MCC: variants seen among roughly 807,000 people sequenced by gnomAD.
The protein encoded by MCC is MCC regulator of Wnt signaling pathway.
In MCC, 90 loss-of-function variants were observed where a neutral mutation model predicts 116.2. The ratio of observed to expected loss-of-function variants is 0.77; its 90% CI spans 0.65 to 0.92. The LOEUF (loss-of-function observed/expected upper bound fraction) is 0.92. MCC is among the 40% of genes least tolerant of loss of function. The pLI, the probability that MCC is intolerant of heterozygous loss-of-function variation, is 0.00. For synonymous variants in MCC, 578 were observed against 510.5 expected (o/e 1.13, Z -1.78); for missense variants, 1,516 against 1,312.2 (o/e 1.16, Z -2.40).
chr5:113,134,555 C>CTTTTT, intron 5 of MCC, among the ~76,000 whole-genome samples: 39 of 30,116 alleles, frequency 1.3e-3, no homozygotes, highest in African/African-American at 2.4e-3. Context: ...GCTATTTGGG[C>CTTTTT]TTTTTTTTTT....
intron 3 of MCC, among the ~76,000 whole-genome samples, chr5:113,240,328 ATATTAT>A (rs949840739): frequency 5.9e-5 from 9 of 152,144 alleles, no homozygotes; most frequent in African/African-American, 1.9e-4. Flanking sequence ...ATATGAGCTA[ATATTAT>A]TATTATTTAA....
intron 7 of MCC, 72 bp from the exon 8 acceptor site, chr5:113,102,017 G>A (rs28673913): frequency 0.077 from 111,772 of 1,444,306 alleles, 4,818 homozygotes; most frequent in East Asian, 0.097. Flanking sequence ...AAAATAGGCT[G>A]AACAGGAATA....
intron 8 of MCC, among the ~76,000 whole-genome samples, chr5:113,098,236 T>C (rs770224297): frequency 2.0e-5 from 3 of 152,166 alleles, no homozygotes; most frequent in Non-Finnish European, 4.4e-5. Flanking sequence ...ATGGGAACAA[T>C]GTGGAGAAAG....
At chr5:113,202,647 AAAC>A (rs1762733288) in intron 3 of MCC, among the ~76,000 whole-genome samples, 1 of 152,068 alleles carries the variant, frequency 6.6e-6, no homozygotes, top group African/African-American at 2.4e-5. Flanking sequence ...AACTTAAGTC[AAAC>A]AACACATAAT....
At chr5:113,412,926 TTATTTTGA>T in intron 1 of MCC, among the ~76,000 whole-genome samples, 1 of 152,360 alleles carries the variant, frequency 6.6e-6, no homozygotes, top group African/African-American at 2.4e-5. Context: ...ATAGCTCTTA[TTATTTTGA>T]GATACGTCCC....
At chr5:113,077,121 T>C (rs1254583945) in intron 11 of MCC, among the ~76,000 whole-genome samples, 3 of 152,148 alleles carry the variant, frequency 2.0e-5, no homozygotes, top group Non-Finnish European at 4.4e-5. Context: ...CCTAAATATA[T>C]ATGCACCCAA....
intron 17 of MCC, among the ~76,000 whole-genome samples, chr5:113,041,897 T>C (rs1182061000): frequency 6.6e-6 from 1 of 151,992 alleles, no homozygotes; most frequent in Non-Finnish European, 1.5e-5. Context: ...CTTGGGAGGC[T>C]GAGGCAGGAG....
chr5:113,347,146 T>C (rs1173198052), intron 2 of MCC, among the ~76,000 whole-genome samples: 1 of 152,124 alleles, frequency 6.6e-6, no homozygotes, highest in Non-Finnish European at 1.5e-5. Context: ...CATCTGAAGA[T>C]ATAAAACTCA....
At chr5:113,049,387 C>T (rs1242356325) in intron 15 of MCC, 88 bp from the exon 16 acceptor site, 9 of 1,100,598 alleles carry the variant, frequency 8.2e-6, no homozygotes, top group South Asian at 3.2e-5. Flanking sequence ...GGGGGGTCCC[C>T]GGCTATGACC....
Position 113,331,761 on chromosome 5 carries a change from C to T in MCC, c.627+8758G>A, listed in dbSNP as rs529886618. Among the ~76,000 whole-genome samples, 153 of 148,708 alleles carry T rather than the reference C, an allele frequency of 1.0e-3. 7 individuals are homozygous for T. The highest frequency in any genetic ancestry group is 3.7e-3 in the African/African-American group (145 of 38,868). On this transcript the variant is annotated intron_variant, in intron 3 of 18. Transcript: ENST00000408903. Reference sequence around the variant, plus strand: ...AGCGATTCTCCTTGCCTCAGCTTCCCGAGTAGCTTCGAGTACAGGCACCCG... The same window carrying T: ...AGCGATTCTCCTTGCCTCAGCTTCCTGAGTAGCTTCGAGTACAGGCACCCG...
rs376080697 is a variant in MCC at position 113,114,165 on chromosome 5, GTTGA to G, written c.1027+8515_1027+8518del. 2.7e-4 allele frequency among the ~76,000 whole-genome samples: 41 copies of G among 152,264 alleles called. 1 individual carries two copies. The highest frequency in any genetic ancestry group is 8.4e-4 in the African/African-American group (35 of 41,510). On this transcript the variant is annotated intron_variant, in intron 6 of 18. Transcript: ENST00000408903. ...AAATGTGGCGAAATGTTAACAATTG[GTTGA>G]TTAAGATGAGTGGTTTATGGAGGTT...
chr5:113,104,670 G>A (rs897664802), intron 6 of MCC: 9 of 217,926 alleles, frequency 4.1e-5, no homozygotes, highest in Non-Finnish European at 7.2e-5. Context: ...CAGAGCCTCT[G>A]GTCAACCTGT....
At chr5:113,380,613 G>A (rs1262726226) in intron 2 of MCC, among the ~76,000 whole-genome samples, 1 of 152,194 alleles carries the variant, frequency 6.6e-6, no homozygotes, top group Non-Finnish European at 1.5e-5. Flanking sequence ...AACGTCATTA[G>A]TAATCCGGTG....
chr5:113,295,040 G>A, intron 3 of MCC: 1 of 767,602 alleles, frequency 1.3e-6, no homozygotes, highest in Non-Finnish European at 1.6e-6. Context: ...TAGCCTGGAG[G>A]CCGAGCAGAG....
chr5:113,461,037 T>C (rs1412179160), intron 1 of MCC, among the ~76,000 whole-genome samples: 1 of 152,218 alleles, frequency 6.6e-6, no homozygotes, highest in Non-Finnish European at 1.5e-5. Flanking sequence ...AGCAGGAAGA[T>C]GGCTTGAGGC....
rs754380344 is a variant in MCC, at chr5:113,068,141, T to C, written c.1968A>G (p.Ala656=). The change falls in exon 13 of 19, where the codon GCA becomes GCG. Residue 656 remains alanine (A), a synonymous_variant. Coordinates refer to ENST00000408903, the MANE Select transcript of MCC (RefSeq NM_001085377.2). ...IEAYELLLAL[A]ESEQSLILGQ... ...CCAGGATGAGGCTCTGCTCACTCTC[T>C]GCCAGCGCCAGGAGGAGTTCGTAGG... The C allele has an allele frequency of 1.9e-6, 3 of 1,614,186 alleles. No individual in the cohort carries two copies. The highest frequency in any genetic ancestry group is 1.6e-4 in the Middle Eastern group (1 of 6,062).
intron 16 of MCC, among the ~76,000 whole-genome samples, chr5:113,046,479 A>T (rs1028816671): frequency 3.3e-5 from 5 of 152,028 alleles, no homozygotes; most frequent in African/African-American, 1.2e-4. Context: ...GGTATCAGCC[A>T]CCACGTCCAG....
At chr5:113,375,737 A>AG (rs1158480196) in intron 2 of MCC, among the ~76,000 whole-genome samples, 2 of 152,170 alleles carry the variant, frequency 1.3e-5, no homozygotes, top group African/African-American at 2.4e-5. Flanking sequence ...TCATGGTGGC[A>AG]GGGGTGTTCC....
intron 1 of MCC, among the ~76,000 whole-genome samples, chr5:113,483,764 T>C (rs1187081622): frequency 6.6e-6 from 1 of 152,068 alleles, no homozygotes; most frequent in Non-Finnish European, 1.5e-5. Flanking sequence ...GCAGCACTGT[T>C]CACAATAGTA....
Sources: allele counts gnomAD v4.1 joint callset (sites outside exome capture counted in the v4.1 genomes callset), GRCh38; gene constraint gnomAD v4.1.1; transcripts MANE v1.5; gene names NCBI Gene and HGNC (gene_info 2026-07-23, HGNC 2026-07-21).